The following DCC variants were observed in gnomAD, a reference collection of about 807,000 sequenced individuals.
The protein encoded by DCC is netrin receptor DCC.
A neutral mutation model predicts 172.5 loss-of-function variants in DCC; 58 were observed. The observed-to-expected ratio is 0.34, with a 90% CI of 0.27 to 0.42. DCC has a LOEUF of 0.42. DCC is among the 10% of genes least tolerant of loss of function. The probability of loss-of-function intolerance (pLI) is 1.00; values close to 1 mark genes in which losing one functional copy is unlikely to be tolerated. For missense variants in DCC, 1,740 were observed against 1,791.0 expected, an observed-to-expected ratio of 0.97 and a Z score of 0.51; for synonymous variants, 709 against 644.5, an observed-to-expected ratio of 1.10 and a Z score of -1.52.
rs549342096 is a variant in DCC, at chr18:52,391,437, T to C, written c.91+50559T>C. ...CATCCTCTAACTGAAATATATAGTT[T>C]AAACAGATTCAAAGAAATTGTTTGA... On this transcript the variant is annotated intron_variant, in intron 1 of 28. Coordinates refer to ENST00000442544, the MANE Select transcript of DCC (RefSeq NM_005215.4). 9.2e-5 allele frequency among the ~76,000 whole-genome samples: 14 copies of C among 152,260 alleles called. No homozygotes were observed. The East Asian group carries it at 2.7e-3, about 30-fold the overall frequency.
At chr18:53,055,998 A>G (rs1159560898) in intron 5 of DCC, among the ~76,000 whole-genome samples, 1 of 152,110 alleles carries the variant, frequency 6.6e-6, no homozygotes, top group Non-Finnish European at 1.5e-5. Context: ...CTAGAATGAG[A>G]ATTTTGTTAA....
intron 1 of DCC, among the ~76,000 whole-genome samples, chr18:52,659,854 G>A (rs749179111): frequency 1.3e-5 from 2 of 151,992 alleles, no homozygotes; most frequent in Non-Finnish European, 2.9e-5. Context: ...GATAACAGGA[G>A]CAGACGAGGG....
intron 13 of DCC, among the ~76,000 whole-genome samples, chr18:53,309,225 G>A (rs1253320470): frequency 2.6e-5 from 4 of 152,044 alleles, no homozygotes; most frequent in Non-Finnish European, 5.9e-5. Context: ...TTTTCGTAGA[G>A]ACAAGGTCTT....
At chr18:53,528,463 T>A (rs997961115) in intron 28 of DCC, among the ~76,000 whole-genome samples, 6 of 152,170 alleles carry the variant, frequency 3.9e-5, no homozygotes, top group African/African-American at 1.4e-4. Flanking sequence ...TAAGTTTACA[T>A]GAAGTATCTC....
chr18:53,334,797 T>C (rs566331536), intron 14 of DCC, among the ~76,000 whole-genome samples: 3 of 152,220 alleles, frequency 2.0e-5, no homozygotes, highest in Admixed American at 6.5e-5. Context: ...TACTATTCCA[T>C]TATGTGTATA....
chr18:53,133,101 T>A (rs1055218099), intron 7 of DCC, among the ~76,000 whole-genome samples: 2 of 152,170 alleles, frequency 1.3e-5, no homozygotes, highest in Non-Finnish European at 2.9e-5. Flanking sequence ...ACTCTAATAG[T>A]CTTCTTAGTT....
At chr18:52,591,008 C>T (rs1330841414) in intron 1 of DCC, among the ~76,000 whole-genome samples, 1 of 152,156 alleles carries the variant, frequency 6.6e-6, no homozygotes, top group East Asian at 1.9e-4. Context: ...TTAAAAATAT[C>T]CTGCAGTTAT....
intron 7 of DCC, among the ~76,000 whole-genome samples, chr18:53,140,906 A>G (rs2043819972): frequency 1.3e-5 from 2 of 152,172 alleles, no homozygotes; most frequent in South Asian, 4.1e-4. Flanking sequence ...AATCTACTCA[A>G]ACTTTAGAAG....
At chr18:52,692,142 G>A (rs185788129) in intron 1 of DCC, among the ~76,000 whole-genome samples, 54 of 152,226 alleles carry the variant, frequency 3.5e-4, no homozygotes, top group African/African-American at 1.3e-3. Flanking sequence ...GGGAAACTTA[G>A]GAGGTGGGCT....
intron 5 of DCC, among the ~76,000 whole-genome samples, chr18:53,014,683 A>T (rs180955052): frequency 5.9e-5 from 9 of 152,244 alleles, no homozygotes; most frequent in Admixed American, 5.2e-4. Context: ...GAGAAGATAC[A>T]GGAAGGCACC....
rs545742585 is a variant in DCC at position 52,366,742 on chromosome 18, G to C, written c.91+25864G>C. 9.2e-5 allele frequency among the ~76,000 whole-genome samples: 14 copies of C among 152,218 alleles called. No individual in the cohort carries two copies. In the South Asian group the frequency reaches 2.5e-3, roughly 27 times the overall value. On this transcript the variant is annotated intron_variant, in intron 1 of 28. Transcript: ENST00000442544. ...GTCGATTGGTGCACTCACAAACCTT[G>C]AGCTAAACACAGGGTGCTGATTGGT...
In DCC at chr18:52,719,560, C is replaced by T. The variant is rs545980572; in HGVS notation, c.92-32494C>T. On this transcript the variant is annotated intron_variant, in intron 1 of 28. Coordinates refer to ENST00000442544, the MANE Select transcript of DCC (RefSeq NM_005215.4). The stretch of plus-strand genomic sequence containing the variant: ...AGCAAAATAAAGAAACAGAGACCAT[C>T]CTCATGGCACTTATGGTCCAGCGGG... Among the ~76,000 whole-genome samples, 19 of 151,650 alleles carry T rather than the reference C, an allele frequency of 1.3e-4. No homozygotes were observed. The South Asian group carries it at 3.3e-3, about 27-fold the overall frequency.
chr18:53,171,320 C>T (rs975359679), intron 8 of DCC, among the ~76,000 whole-genome samples: 1 of 152,132 alleles, frequency 6.6e-6, no homozygotes, highest in African/African-American at 2.4e-5. Context: ...CAGTGATCAA[C>T]CCAGGGCAGA....
chr18:53,363,369 T>A (rs1421807464), intron 15 of DCC, among the ~76,000 whole-genome samples: 6 of 152,150 alleles, frequency 3.9e-5, no homozygotes, highest in Admixed American at 3.9e-4. Context: ...AAGTTTAAAA[T>A]TAAAGCAAGC....
chr18:52,898,556 T>C (rs2039764936), intron 2 of DCC, among the ~76,000 whole-genome samples: 1 of 152,210 alleles, frequency 6.6e-6, no homozygotes, highest in Non-Finnish European at 1.5e-5. Flanking sequence ...AGATTTCTTG[T>C]CGTCTATGCA....
chr18:53,218,341 G>C (rs1382729403), intron 12 of DCC, among the ~76,000 whole-genome samples: 1 of 151,948 alleles, frequency 6.6e-6, no homozygotes, highest in South Asian at 2.1e-4. Context: ...AAAACTGAGG[G>C]GTTGTTATAA....
At chr18:52,710,733 G>C (rs928920752) in intron 1 of DCC, among the ~76,000 whole-genome samples, 1 of 152,230 alleles carries the variant, frequency 6.6e-6, no homozygotes, top group South Asian at 2.1e-4. Context: ...AAATCCCAAA[G>C]GGAATTTTTG....
At chr18:53,030,682 G>A (rs2042014800) in intron 5 of DCC, among the ~76,000 whole-genome samples, 2 of 152,094 alleles carry the variant, frequency 1.3e-5, no homozygotes, top group Non-Finnish European at 2.9e-5. Flanking sequence ...TAACTCAAAG[G>A]AAAGAGGTTT....
At chr18:52,871,936 C>T (rs1438243662) in intron 2 of DCC, among the ~76,000 whole-genome samples, 1 of 152,074 alleles carries the variant, frequency 6.6e-6, no homozygotes, top group African/African-American at 2.4e-5. Context: ...TCTCTGTCTA[C>T]TGGTATGTCA....
Sources: allele counts gnomAD v4.1 joint callset (sites outside exome capture counted in the v4.1 genomes callset), GRCh38; gene constraint gnomAD v4.1.1; transcripts MANE v1.5; gene names NCBI Gene and HGNC (gene_info 2026-07-23, HGNC 2026-07-21).